The following BCKDHB variants were observed in gnomAD, a reference collection of about 807,000 sequenced individuals.
BCKDHB encodes branched chain keto acid dehydrogenase E1 subunit beta.
Under a neutral mutation model 48.5 loss-of-function variants are expected in BCKDHB, and 41 were observed. The observed-to-expected ratio is 0.85, with a 90% CI of 0.66 to 1.10. BCKDHB has a LOEUF of 1.10. BCKDHB is among the 50% of genes least tolerant of loss of function. The pLI is 0.00. For missense variants in BCKDHB, 496 were observed against 494.2 expected, an observed-to-expected ratio of 1.00 and a Z score of -0.03; for synonymous variants, 201 against 174.8, an observed-to-expected ratio of 1.15 and a Z score of -1.18.
intron 9 of BCKDHB, among the ~76,000 whole-genome samples, chr6:80,280,156 T>C (rs965347170): frequency 1.3e-5 from 2 of 152,184 alleles, no homozygotes; most frequent in African/African-American, 4.8e-5. Context: ...GAATTTGTTT[T>C]TATGTGGAGG....
intron 1 of BCKDHB, among the ~76,000 whole-genome samples, chr6:80,120,202 T>C (rs1769930986): frequency 6.6e-6 from 1 of 152,222 alleles, no homozygotes; most frequent in Admixed American, 6.5e-5. Flanking sequence ...CATCATTTTG[T>C]ATGGCTGCAT....
At chr6:80,317,224 C>T (rs77140043) in intron 9 of BCKDHB, among the ~76,000 whole-genome samples, 2,378 of 152,134 alleles carry the variant, frequency 0.016, 51 homozygotes, top group East Asian at 0.052. Context: ...ACCCAAATAC[C>T]GTTCCAAAAT....
At chr6:80,133,524 A>T (rs1024596289) in intron 3 of BCKDHB, among the ~76,000 whole-genome samples, 3 of 152,150 alleles carry the variant, frequency 2.0e-5, no homozygotes, top group African/African-American at 7.2e-5. Flanking sequence ...ACGTAATGAG[A>T]TGTATTGATT....
the BCKDHB span, among the ~76,000 whole-genome samples, chr6:80,402,437 T>A: frequency 6.6e-6 from 1 of 151,750 alleles, no homozygotes; most frequent in East Asian, 1.9e-4. Flanking sequence ...AGATTCTTTG[T>A]TCATTTTAAA....
In BCKDHB at chr6:80,174,106, C is replaced by T. The variant is rs139975997; in HGVS notation, c.742+2716C>T. Among the ~76,000 whole-genome samples the T allele has an allele frequency of 1.7e-3, 266 of 152,180 alleles. 1 individual carries two copies. Among genetic ancestry groups the T allele is most frequent in the African/African-American group, 6.0e-3 (251 of 41,520 alleles). On this transcript the variant is annotated intron_variant, in intron 6 of 9. Transcript: ENST00000320393. Reference sequence around the variant, plus strand: ...CATAAGTAAAAATTTAATAGATTGACTTTTTCCCCTACATCCCTTCTTTTT... The same window carrying T: ...CATAAGTAAAAATTTAATAGATTGATTTTTTCCCCTACATCCCTTCTTTTT...
intron 9 of BCKDHB, among the ~76,000 whole-genome samples, chr6:80,342,149 C>A (rs1769937490): frequency 6.6e-6 from 1 of 152,064 alleles, no homozygotes; most frequent in African/African-American, 2.4e-5. Context: ...CCCCAATACA[C>A]TTGTCACTGG....
intron 1 of BCKDHB, among the ~76,000 whole-genome samples, chr6:80,125,256 A>G (rs1260671279): frequency 6.6e-6 from 1 of 152,036 alleles, no homozygotes; most frequent in Non-Finnish European, 1.5e-5. Context: ...CAGCTTCCTC[A>G]CCTCTGTCAG....
At chr6:80,167,954 A>G (rs879089153) in intron 4 of BCKDHB, 143 bp downstream of exon 4, 29 of 963,614 alleles carry the variant, frequency 3.0e-5, no homozygotes, top group Admixed American at 8.6e-5. Flanking sequence ...TGTTATGAGC[A>G]TATATTTAAA....
rs192098601 is a variant in BCKDHB, at chr6:80,190,947, G to A, written c.743-9987G>A. On this transcript the variant is annotated intron_variant, in intron 6 of 9. Coordinates refer to ENST00000320393, the MANE Select transcript of BCKDHB (RefSeq NM_183050.4). ...CCGTTGTTCCACAGTGTAGATGGCAGCGATGTTGGTGGCAGGGCATTTAAT... is the reference window on the plus strand; with the variant it reads ...CCGTTGTTCCACAGTGTAGATGGCAACGATGTTGGTGGCAGGGCATTTAAT... Among the ~76,000 whole-genome samples the A allele has an allele frequency of 2.0e-4, 30 of 152,174 alleles. 1 individual carries two copies. The highest frequency in any genetic ancestry group is 3.7e-4 in the Non-Finnish European group (25 of 67,998).
At chr6:80,260,230 G>GT (rs1777241723) in intron 8 of BCKDHB, among the ~76,000 whole-genome samples, 2 of 131,974 alleles carry the variant, frequency 1.5e-5, no homozygotes, top group East Asian at 2.5e-4. Context: ...TGTGTGTGTG[G>GT]GGTAATAAAA....
chr6:80,200,977 G>C lies in BCKDHB; in HGVS notation c.786G>C (p.Gln262His). Residue 262 changes from glutamine (Q) to histidine (H), a missense_variant, in exon 7 of 10, where the codon CAG becomes CAC. Coordinates refer to ENST00000320393, the MANE Select transcript of BCKDHB (RefSeq NM_183050.4). ...PIEPYNIPLS[Q>H]AEVIQEGSDV... The stretch of plus-strand genomic sequence containing the variant: ...AACCATACAACATCCCACTGTCCCA[G>C]GCCGAAGTCATACAGGAAGGGAGTG... 1 of 1,613,058 alleles carries C rather than the reference G, an allele frequency of 6.2e-7. No homozygotes were observed. The highest frequency in any genetic ancestry group is 8.5e-7 in the Non-Finnish European group (1 of 1,179,362).
chr6:80,378,590 G>A, the BCKDHB span, among the ~76,000 whole-genome samples: 3 of 152,016 alleles, frequency 2.0e-5, no homozygotes, highest in East Asian at 3.9e-4. Flanking sequence ...ATAGTGCTGC[G>A]ATGAACATAT....
At chr6:80,123,629 A>G (rs1770169492) in intron 1 of BCKDHB, among the ~76,000 whole-genome samples, 1 of 152,166 alleles carries the variant, frequency 6.6e-6, no homozygotes, top group Admixed American at 6.5e-5. Context: ...GGGAGGGTGT[A>G]TGTGTCCAGG....
At chr6:80,135,684 A>G (rs548032612) in intron 3 of BCKDHB, among the ~76,000 whole-genome samples, 28 of 152,274 alleles carry the variant, frequency 1.8e-4, no homozygotes, top group African/African-American at 5.1e-4. Flanking sequence ...TCAAATATAT[A>G]TAACATTTAC....
At chr6:80,259,186 T>C (rs1777184561) in intron 8 of BCKDHB, among the ~76,000 whole-genome samples, 1 of 152,182 alleles carries the variant, frequency 6.6e-6, no homozygotes, top group Non-Finnish European at 1.5e-5. Context: ...TATTGAGAAT[T>C]TGGAGATTTG....
intron 1 of BCKDHB, among the ~76,000 whole-genome samples, chr6:80,116,742 T>A (rs778982126): frequency 6.6e-6 from 1 of 152,252 alleles, no homozygotes; most frequent in Non-Finnish European, 1.5e-5. Context: ...CTATACCTTT[T>A]TATCTTGAAA....
chr6:80,315,341 G>A (rs760333558), intron 9 of BCKDHB, among the ~76,000 whole-genome samples: 1 of 152,108 alleles, frequency 6.6e-6, no homozygotes, highest in Non-Finnish European at 1.5e-5. Context: ...GTTTCTTAGG[G>A]TTGTACATTC....
chr6:80,465,938 T>C, the BCKDHB span: 3 of 152,294 alleles, frequency 2.0e-5, no homozygotes, highest in South Asian at 6.2e-4. Flanking sequence ...GACCTCACAT[T>C]ACAAGCCACT....
chr6:80,218,867 A>G (rs1426410607), intron 8 of BCKDHB, among the ~76,000 whole-genome samples: 2 of 152,220 alleles, frequency 1.3e-5, no homozygotes, highest in Non-Finnish European at 2.9e-5. Flanking sequence ...AAAAGTTGAA[A>G]AGCAGTACAC....
Sources: gnomAD v4.1 joint callset for allele counts (sites outside exome capture counted in the v4.1 genomes callset) on GRCh38, gnomAD v4.1.1 for gene constraint, MANE v1.5 for transcripts, NCBI Gene and HGNC (gene_info 2026-07-23, HGNC 2026-07-21) for gene names.